The following FBRSL1 variants were observed in gnomAD, a reference collection of about 807,000 sequenced individuals.
The protein encoded by FBRSL1 is fibrosin-1-like protein.
A neutral mutation model predicts 89.6 loss-of-function variants in FBRSL1; 51 were observed. The observed-to-expected ratio is 0.57, with a 90% confidence interval of 0.45 to 0.72. The LOEUF is 0.72. FBRSL1 is among the 30% of genes least tolerant of loss of function. FBRSL1 has a pLI of 0.00. For missense variants in FBRSL1, 1,618 were observed against 1,451.8 expected (o/e 1.11, Z -1.86); for synonymous variants, 779 against 681.1 (o/e 1.14, Z -2.24).
chr12:132,543,221 T>A (rs2137238286), intron 4 of FBRSL1, among the ~76,000 whole-genome samples: 1 of 152,322 alleles, frequency 6.6e-6, no homozygotes, highest in Non-Finnish European at 1.5e-5. Context: ...GCACGTTGCC[T>A]CCTCCGACTC....
At position 132,583,706 on chromosome 12, in the gene FBRSL1, G is replaced by A; in HGVS notation, c.2937G>A (p.Leu979=). 9 of 1,195,520 alleles carry A rather than the reference G, an allele frequency of 7.5e-6. No homozygotes were observed. Among genetic ancestry groups the A allele is most frequent in the Non-Finnish European group, 9.3e-6 (9 of 964,734 alleles). 74.1% of individuals were successfully genotyped at this position (1,195,520 alleles called of 1,614,324 possible). A position where few individuals can be genotyped will look rare whatever the true frequency, so the allele number is the denominator to read the frequency against. ...CGCCGCGGAGCCGGACTACTCCGCT[G>A]GGGGGCCTCGGGCCGGGCGAGGCGC... is the stretch of plus-strand genomic sequence containing the variant. ...PGPPRSRTTP[L]GGLGPGEARD... is the part of the protein sequence containing the mutation. Residue 979 remains leucine (L), a synonymous_variant, in exon 19 of 19, where the codon CTG becomes CTA. Coordinates refer to ENST00000680143, the MANE Select transcript of FBRSL1 (RefSeq NM_001367871.1).
At position 132,570,193 on chromosome 12, in the gene FBRSL1, C is replaced by T; in HGVS notation, c.959C>T (p.Ala320Val). 6.6e-7 allele frequency: 1 copy of T among 1,505,220 alleles called. No homozygotes were observed. Among genetic ancestry groups the T allele is most frequent in the Non-Finnish European group, 8.8e-7 (1 of 1,135,300 alleles). 93.2% of individuals were successfully genotyped at this position (1,505,220 alleles called of 1,614,324 possible). Reference protein sequence around the residue: ...LPTHVPASLGAFAGHSQAAAN... With the variant: ...LPTHVPASLGVFAGHSQAAAN... ...ACACACGTGCCTGCATCCCTGGGCGCCTTCGCGGGCCACAGCCAGGCGGCA... is the reference window on the plus strand; with the variant it reads ...ACACACGTGCCTGCATCCCTGGGCGTCTTCGCGGGCCACAGCCAGGCGGCA... Residue 320 changes from alanine to valine, a missense_variant, in exon 7 of 19, where the codon GCC (alanine) becomes GTC (valine). By Grantham distance (64) the Ala-to-Val change is moderately conservative (BLOSUM62 0). Coordinates refer to ENST00000680143, the MANE Select transcript of FBRSL1 (RefSeq NM_001367871.1).
chr12:132,571,529 G>A, intron 9 of FBRSL1: 6 of 1,499,994 alleles, frequency 4.0e-6, no homozygotes, highest in South Asian at 1.3e-5. Context: ...CCGCCGGTGC[G>A]TAGGCCCGCG....
chr12:132,547,209 ACAGT>A (rs1203334174), intron 4 of FBRSL1, among the ~76,000 whole-genome samples: 3 of 147,718 alleles, frequency 2.0e-5, no homozygotes, highest in Non-Finnish European at 3.0e-5. Flanking sequence ...CGGAGAACGG[ACAGT>A]CAGTGTGTTC....
intron 5 of FBRSL1, chr12:132,553,668 T>C (rs912184647): frequency 6.6e-6 from 1 of 152,140 alleles, no homozygotes; most frequent in Admixed American, 6.5e-5. Flanking sequence ...AAAGGCCCAA[T>C]AGCCAGTGAG....
chr12:132,514,694 C>T (rs933928876), intron 2 of FBRSL1, among the ~76,000 whole-genome samples: 17 of 152,156 alleles, frequency 1.1e-4, no homozygotes, highest in African/African-American at 3.9e-4. Context: ...TAGAGGGCTC[C>T]CTGGTGTACC....
chr12:132,490,629 G>A lies in FBRSL1; in HGVS notation c.59G>A (p.Arg20His). The A allele has an allele frequency of 1.0e-6, 1 of 983,532 alleles. No homozygotes were observed. The highest frequency in any genetic ancestry group is 1.2e-6 in the Non-Finnish European group (1 of 830,132). The allele number at this position is 983,532 out of a possible 1,614,324, so 60.9% of individuals were successfully genotyped here. A position where few individuals can be genotyped will look rare whatever the true frequency, so the allele number is the denominator to read the frequency against. ...RSRAQRDRGR[R>H]REAARDARAQ... The stretch of plus-strand genomic sequence containing the variant: ...CGCGCGCAGCGGGACCGTGGCCGGC[G>A]CCGGGAGGCCGCCCGCGACGCCCGC... Residue 20 changes from arginine (R) to histidine (H), a missense_variant, in exon 1 of 19, where the codon CGC (arginine) becomes CAC (histidine). Arg to His is a conservative substitution (Grantham distance 29). Transcript: ENST00000680143.
chr12:132,578,203 G>T (rs2138068838), intron 15 of FBRSL1, among the ~76,000 whole-genome samples: 1 of 152,294 alleles, frequency 6.6e-6, no homozygotes, highest in African/African-American at 2.4e-5. Flanking sequence ...ACCATGACCA[G>T]GCGTGGTGGC....
chr12:132,504,512 G>A (rs1250996080), intron 1 of FBRSL1, among the ~76,000 whole-genome samples: 1 of 152,088 alleles, frequency 6.6e-6, no homozygotes, highest in Non-Finnish European at 1.5e-5. Flanking sequence ...GGGCAGTGGC[G>A]TTGCGCAGGG....
intron 2 of FBRSL1, chr12:132,510,257 A>G (rs1203026797): frequency 7.3e-6 from 9 of 1,230,958 alleles, no homozygotes; most frequent in Non-Finnish European, 9.1e-6. Context: ...AGCCGGGCCC[A>G]CCCTGCCGGC....
intron 6 of FBRSL1, among the ~76,000 whole-genome samples, chr12:132,567,756 G>A (rs1197926219): frequency 6.6e-6 from 1 of 152,132 alleles, no homozygotes; most frequent in Non-Finnish European, 1.5e-5. Flanking sequence ...TCGTAGCAGC[G>A]GCTCCCAGAG....
At chr12:132,571,608 A>G (rs1473389188) in intron 9 of FBRSL1, 10 of 985,446 alleles carry the variant, frequency 1.0e-5, no homozygotes, top group South Asian at 5.2e-5. Flanking sequence ...ACACGCTCGC[A>G]CACACACCAG....
At chr12:132,536,177 GGTGT>G (rs1206470160) in intron 4 of FBRSL1, among the ~76,000 whole-genome samples, 9 of 142,260 alleles carry the variant, frequency 6.3e-5, no homozygotes, top group African/African-American at 1.6e-4. Flanking sequence ...TGTACACGAT[GGTGT>G]GTGAGTGCAC....
intron 5 of FBRSL1, among the ~76,000 whole-genome samples, chr12:132,550,546 G>C (rs1423591421): frequency 6.6e-6 from 1 of 152,140 alleles, no homozygotes; most frequent in Non-Finnish European, 1.5e-5. Flanking sequence ...TCTCCTTGTT[G>C]GCCCGTCAGC....
intron 4 of FBRSL1, among the ~76,000 whole-genome samples, chr12:132,547,598 G>A (rs1189538611): frequency 6.6e-6 from 1 of 152,210 alleles, no homozygotes; most frequent in African/African-American, 2.4e-5. Context: ...GGGGACAGTG[G>A]GGCTGTCCTG....
chr12:132,559,925 GC>G (rs2038964254), intron 5 of FBRSL1: 1 of 148,664 alleles, frequency 6.7e-6, no homozygotes, highest in African/African-American at 2.4e-5. Context: ...GTCTGCCCGC[GC>G]CCCGCCCCCG....
Position 132,583,224 on chromosome 12 carries a change from G to C in FBRSL1, c.2455G>C (p.Gly819Arg), listed in dbSNP as rs1157363817. ...PGDVKVKEER[G>R]EDEASEPPAG... ...AGACGTGAAGGTCAAGGAGGAGCGC[G>C]GGGAGGACGAGGCCTCCGAGCCCCC... The change falls in exon 19 of 19, where the codon GGG becomes CGG. Residue 819 changes from glycine (G) to arginine (R), a missense_variant. Transcript: ENST00000680143. 1 of 1,406,122 alleles carries C rather than the reference G, an allele frequency of 7.1e-7. No homozygotes were observed. The highest frequency in any genetic ancestry group is 1.4e-5 in the South Asian group (1 of 72,454). The allele number at this position is 1,406,122 out of a possible 1,614,324, so 87.1% of individuals were successfully genotyped here. A position where few individuals can be genotyped will look rare whatever the true frequency, so the allele number is the denominator to read the frequency against.
At chr12:132,545,607 G>A (rs1211579479) in intron 4 of FBRSL1, among the ~76,000 whole-genome samples, 5 of 152,192 alleles carry the variant, frequency 3.3e-5, no homozygotes, top group Admixed American at 2.0e-4. Context: ...TGAAACCCAC[G>A]GGGAGATCCG....
intron 1 of FBRSL1, among the ~76,000 whole-genome samples, chr12:132,502,248 C>T (rs978342549): frequency 6.6e-6 from 1 of 152,226 alleles, no homozygotes; most frequent in East Asian, 1.9e-4. Context: ...CTTCTAGAAT[C>T]CTTGGCAGAC....
Sources: allele counts gnomAD v4.1 joint callset (sites outside exome capture counted in the v4.1 genomes callset), GRCh38; gene constraint gnomAD v4.1.1; transcripts MANE v1.5; gene names NCBI Gene and HGNC (gene_info 2026-07-23, HGNC 2026-07-21).